PIP5K1B: variants seen among roughly 807,000 people sequenced by gnomAD.
PIP5K1B encodes phosphatidylinositol 4-phosphate 5-kinase type-1 beta.
PIP5K1B carries 42 observed loss-of-function variants against 67.0 expected under a neutral mutation model. The ratio of observed to expected loss-of-function variants is 0.63; its 90% CI spans 0.49 to 0.81. The LOEUF is 0.81. Ranked by LOEUF, PIP5K1B falls within the 30% of genes least tolerant of loss-of-function variation. PIP5K1B has a pLI of 0.00. For missense variants in PIP5K1B, 459 were observed against 646.3 expected (o/e 0.71, Z 3.14); for synonymous variants, 214 against 231.4 (o/e 0.92, Z 0.68).
chr9:68,859,976 T>C (rs1822978403), intron 4 of PIP5K1B, among the ~76,000 whole-genome samples: 1 of 152,236 alleles, frequency 6.6e-6, no homozygotes, highest in African/African-American at 2.4e-5. Flanking sequence ...GAAATATGTA[T>C]ACGTTGTGAA....
chr9:68,803,405 G>A (rs895637813), intron 2 of PIP5K1B, among the ~76,000 whole-genome samples: 1 of 152,136 alleles, frequency 6.6e-6, no homozygotes, highest in South Asian at 2.1e-4. Flanking sequence ...AAAAGAATTC[G>A]GAAGACCATG....
chr9:68,763,270 T>C (rs1227893625), intron 2 of PIP5K1B, among the ~76,000 whole-genome samples: 1 of 152,068 alleles, frequency 6.6e-6, no homozygotes, highest in African/African-American at 2.4e-5. Context: ...CTTGCAGATA[T>C]TTGAGTATGA....
At chr9:68,894,039 T>G (rs1488435799) in intron 7 of PIP5K1B, among the ~76,000 whole-genome samples, 1 of 152,204 alleles carries the variant, frequency 6.6e-6, no homozygotes, top group Admixed American at 6.5e-5. Flanking sequence ...TTGGCTACCT[T>G]AGAGAATAGT....
At chr9:68,935,210 T>C (rs1406815739) in intron 13 of PIP5K1B, among the ~76,000 whole-genome samples, 165 bp downstream of exon 13, 1 of 152,212 alleles carries the variant, frequency 6.6e-6, no homozygotes, top group Non-Finnish European at 1.5e-5. Flanking sequence ...CTCATGCCTG[T>C]AATCCTTACA....
chr9:68,883,693 C>T (rs1824310906), intron 6 of PIP5K1B, among the ~76,000 whole-genome samples: 2 of 152,006 alleles, frequency 1.3e-5, no homozygotes, highest in Admixed American at 6.6e-5. Context: ...GGATTTTTAG[C>T]CTTGATGTTT....
At chr9:68,742,421 A>G (rs762954693) in intron 1 of PIP5K1B, 80 bp from the exon 2 acceptor site, 2 of 152,220 alleles carry the variant, frequency 1.3e-5, no homozygotes, top group African/African-American at 2.4e-5. Context: ...CAAGGGCTAT[A>G]ATAAGAGCCT....
intron 15 of PIP5K1B, among the ~76,000 whole-genome samples, chr9:69,006,703 T>TGATG (rs138158209): frequency 0.38 from 58,213 of 152,042 alleles, 12,362 homozygotes; most frequent in East Asian, 0.68. Context: ...ATCACTCAGG[T>TGATG]TACTCACTGT....
chr9:68,715,103 G>T (rs949450931), intron 1 of PIP5K1B, among the ~76,000 whole-genome samples: 1 of 152,190 alleles, frequency 6.6e-6, no homozygotes, highest in African/African-American at 2.4e-5. Flanking sequence ...AAAGGCCTGG[G>T]TTGCTTTGCA....
intron 2 of PIP5K1B, among the ~76,000 whole-genome samples, chr9:68,814,757 T>C (rs928982202): frequency 2.0e-5 from 3 of 152,000 alleles, no homozygotes; most frequent in Admixed American, 6.6e-5. Context: ...GTGGTGGAGG[T>C]TGCAGTGAGC....
intron 13 of PIP5K1B, 129 bp from the exon 14 acceptor site, chr9:68,940,517 G>T: frequency 1.2e-6 from 1 of 834,230 alleles, no homozygotes. Context: ...AAAAAGTGCA[G>T]TTAATTCATA....
At chr9:68,805,844 G>A (rs958824962) in intron 2 of PIP5K1B, among the ~76,000 whole-genome samples, 1 of 152,348 alleles carries the variant, frequency 6.6e-6, no homozygotes, top group South Asian at 2.1e-4. Flanking sequence ...AGTGAATGCT[G>A]AATGGATTGT....
intron 12 of PIP5K1B, among the ~76,000 whole-genome samples, chr9:68,931,404 T>C (rs1003032675): frequency 6.6e-6 from 1 of 152,234 alleles, no homozygotes; most frequent in Admixed American, 6.5e-5. Context: ...AGAAAGCTTT[T>C]TAAATATTGA....
intron 14 of PIP5K1B, among the ~76,000 whole-genome samples, chr9:68,980,106 G>C (rs569664050): frequency 7.9e-5 from 12 of 152,218 alleles, no homozygotes; most frequent in Non-Finnish European, 1.5e-4. Context: ...AGCATGAGAT[G>C]TGCCACACGC....
chr9:68,781,688 A>G (rs1831291607), intron 2 of PIP5K1B: 1 of 166,796 alleles, frequency 6.0e-6, no homozygotes, highest in African/African-American at 2.4e-5. Context: ...TGAGATTTTA[A>G]TAGTAATTCT....
chr9:68,786,893 C>G (rs1587448292), intron 2 of PIP5K1B, among the ~76,000 whole-genome samples: 1 of 152,066 alleles, frequency 6.6e-6, no homozygotes, highest in Non-Finnish European at 1.5e-5. Flanking sequence ...TCTCTTAAGG[C>G]GATTGATGGA....
In PIP5K1B at chr9:68,818,931, T is replaced by C. The variant is rs184676669; in HGVS notation, c.-1+386T>C. Among the ~76,000 whole-genome samples the C allele has an allele frequency of 2.4e-3, 366 of 152,354 alleles. 2 individuals are homozygous for C. Among genetic ancestry groups the C allele is most frequent in the Admixed American group, 3.6e-3 (55 of 15,312 alleles). On this transcript the variant is annotated intron_variant, in intron 3 of 15. Coordinates refer to ENST00000265382, the MANE Select transcript of PIP5K1B (RefSeq NM_003558.4). ...ATCTGTAGATAATCACCAGAACTTC[T>C]GAGAATGTCTTTCCTCCTTCCTTTT... is the stretch of plus-strand genomic sequence containing the variant.
At position 68,888,692 on chromosome 9, in the gene PIP5K1B, TTGAATTATCTCATTGGAC is replaced by T. The variant is rs539896945; in HGVS notation, c.319-285_319-268del. On this transcript the variant is annotated intron_variant, in intron 6 of 15. Transcript: ENST00000265382. ...AAAGCACCTTAGTCAACACAACTGT[TTGAATTATCTCATTGGAC>T]TGATAGGATGATTCATGATTCTATC... 3.6e-3 allele frequency among the ~76,000 whole-genome samples: 549 copies of T among 152,346 alleles called. 5 individuals are homozygous for T. Among genetic ancestry groups the T allele is most frequent in the Middle Eastern group, 0.01 (3 of 294 alleles).
chr9:68,769,073 A>G (rs1442635333), intron 2 of PIP5K1B, among the ~76,000 whole-genome samples: 1 of 152,258 alleles, frequency 6.6e-6, no homozygotes, highest in Admixed American at 6.5e-5. Context: ...GTTTATTCCC[A>G]GTAATGCATC....
rs972360303 is a variant in PIP5K1B at position 68,788,388 on chromosome 9, C to A, written c.-85-30073C>A. The A allele has an allele frequency of 9.7e-6, 8 of 828,692 alleles. No homozygotes were observed. In the African/African-American group the frequency reaches 1.2e-4, roughly 13 times the overall value. The allele number at this position is 828,692 out of a possible 1,614,324, so 51.3% of individuals were successfully genotyped here. On this transcript the variant is annotated intron_variant, in intron 2 of 15. Transcript: ENST00000265382. ...GTTTGTACTTTTCTCCATACATATC[C>A]AGATGACCCTAAGTCCAGAAATAGC...
Sources: allele counts gnomAD v4.1 joint callset (sites outside exome capture counted in the v4.1 genomes callset), GRCh38; gene constraint gnomAD v4.1.1; transcripts MANE v1.5; gene names NCBI Gene and HGNC (gene_info 2026-07-23, HGNC 2026-07-21).